The following ABCB4 variants were observed in gnomAD, a reference collection of about 807,000 sequenced individuals.
ABCB4 encodes the protein phosphatidylcholine translocator ABCB4.
ABCB4 carries 76 observed loss-of-function variants against 145.7 expected under a neutral mutation model. The ratio of observed to expected loss-of-function variants is 0.52; its 90% CI spans 0.43 to 0.63. The LOEUF (loss-of-function observed/expected upper bound fraction) is 0.63, where lower values mean the gene tolerates loss of function less well. Among genes scored for constraint, ABCB4 ranks in the 30% least tolerant of loss-of-function variants. The pLI, the probability that ABCB4 is intolerant of heterozygous loss-of-function variation, is 0.00. For missense variants in ABCB4, 1,234 were observed against 1,553.1 expected, an observed-to-expected ratio of 0.79 and a Z score of 3.45; for synonymous variants, 517 against 566.8, an observed-to-expected ratio of 0.91 and a Z score of 1.25.
At chr7:87,390,125 C>T in the ABCB4 span, among the ~76,000 whole-genome samples, 1 of 152,108 alleles carries the variant, frequency 6.6e-6, no homozygotes, top group Non-Finnish European at 1.5e-5. Flanking sequence ...TGCTCAGTCT[C>T]CTGTATGTCT....
At chr7:87,439,982 A>T in intron 13 of ABCB4, 145 bp from the exon 14 acceptor site, 1 of 1,286,322 alleles carries the variant, frequency 7.8e-7, no homozygotes, top group South Asian at 1.4e-5. Flanking sequence ...ATGAATTCTG[A>T]ATTATAAAAA....
rs1489638552 is a variant in ABCB4, at chr7:87,475,507, C to T, written c.-6-36G>A. 3.7e-6 allele frequency: 6 copies of T among 1,609,434 alleles called. No homozygotes were observed. The East Asian group carries it at 1.1e-4, about 30-fold the overall frequency. ...ACCACAGCCTCAGAACCAAGTACAC[C>T]CTCTCCGGCGGCCCGGCGCACGAGT... On this transcript the variant is annotated intron_variant, in intron 1 of 27. Transcript: ENST00000649586.
chr7:87,371,640 T>A, the ABCB4 span, among the ~76,000 whole-genome samples: 1 of 152,212 alleles, frequency 6.6e-6, no homozygotes, highest in African/African-American at 2.4e-5. Context: ...GCCAGTATTA[T>A]GTGAGGACAC....
At chr7:87,416,221 C>T (rs549942447) in intron 21 of ABCB4, among the ~76,000 whole-genome samples, 2 of 152,328 alleles carry the variant, frequency 1.3e-5, no homozygotes, top group East Asian at 3.9e-4. Context: ...TACAAGAGGA[C>T]AAGAAAGGAT....
intron 3 of ABCB4, among the ~76,000 whole-genome samples, chr7:87,469,053 G>A (rs184937562): frequency 6.6e-6 from 1 of 152,154 alleles, no homozygotes; most frequent in Admixed American, 6.5e-5. Flanking sequence ...CCCCTGGGAT[G>A]CAAGGCTGGT....
At chr7:87,432,795 T>C (rs1810333508) in intron 14 of ABCB4, among the ~76,000 whole-genome samples, 1 of 152,170 alleles carries the variant, frequency 6.6e-6, no homozygotes, top group South Asian at 2.1e-4. Context: ...GCAGTGATGG[T>C]TGTACAACCT....
chr7:87,396,425 C>T, the ABCB4 span, among the ~76,000 whole-genome samples: 2 of 152,102 alleles, frequency 1.3e-5, no homozygotes, highest in African/African-American at 2.4e-5. Flanking sequence ...CTCACAGAAG[C>T]GTTCTGATTA....
At position 87,420,304 on chromosome 7, in the gene ABCB4, C is replaced by T. The variant is rs574462918; in HGVS notation, c.2317-229G>A. Among the ~76,000 whole-genome samples the T allele has an allele frequency of 2.0e-5, 3 of 152,280 alleles. No homozygotes were observed. The South Asian group carries it at 6.2e-4, about 32-fold the overall frequency. On this transcript the variant is annotated intron_variant, in intron 18 of 27. Transcript: ENST00000649586. ...CAGGGACTGAATTAAGAAGCAGACACCACATGGCAGGATGCAGGATTCAAT... is the reference window on the plus strand; with the variant it reads ...CAGGGACTGAATTAAGAAGCAGACATCACATGGCAGGATGCAGGATTCAAT...
At chr7:87,437,360 C>T (rs1392613559) in intron 14 of ABCB4, among the ~76,000 whole-genome samples, 2 of 152,128 alleles carry the variant, frequency 1.3e-5, no homozygotes, top group Non-Finnish European at 2.9e-5. Context: ...GTGAGGCCAC[C>T]ATGGACCATT....
intron 26 of ABCB4, 52 bp from the exon 27 acceptor site, chr7:87,403,333 T>G: frequency 6.6e-7 from 1 of 1,520,714 alleles, no homozygotes; most frequent in South Asian, 1.1e-5. Flanking sequence ...GCTTAACAGT[T>G]GACAGTTCTA....
intron 14 of ABCB4, among the ~76,000 whole-genome samples, chr7:87,433,669 G>GTTTTTTTT (rs752621529): frequency 7.3e-5 from 9 of 124,042 alleles, no homozygotes; most frequent in South Asian, 2.5e-4. Flanking sequence ...ACAAAAAATT[G>GTTTTTTTT]TTGTTGTTTT....
intron 4 of ABCB4, among the ~76,000 whole-genome samples, chr7:87,458,715 T>C (rs1280787381): frequency 6.6e-6 from 1 of 152,174 alleles, no homozygotes; most frequent in Non-Finnish European, 1.5e-5. Flanking sequence ...TGCTGGAAAT[T>C]CATAACATTT....
intron 24 of ABCB4, 37 bp from the exon 25 acceptor site, chr7:87,408,271 C>G: frequency 6.3e-7 from 1 of 1,576,144 alleles, no homozygotes; most frequent in South Asian, 1.1e-5. Context: ...TATAATTGGC[C>G]TGATAATTAT....
chr7:87,407,052 T>C (rs1410984714), intron 25 of ABCB4, among the ~76,000 whole-genome samples: 4 of 152,196 alleles, frequency 2.6e-5, no homozygotes, highest in Non-Finnish European at 5.9e-5. Context: ...CAAAGGGCAG[T>C]GTCTTTGGGA....
chr7:87,461,347 C>A (rs553107970), intron 4 of ABCB4, among the ~76,000 whole-genome samples: 1 of 152,216 alleles, frequency 6.6e-6, no homozygotes, highest in African/African-American at 2.4e-5. Context: ...CCATTTAAAA[C>A]TTTCCCAAGC....
At chr7:87,371,740 C>G in the ABCB4 span, among the ~76,000 whole-genome samples, 1 of 152,036 alleles carries the variant, frequency 6.6e-6, no homozygotes, top group Non-Finnish European at 1.5e-5. Flanking sequence ...CCTGTAATTG[C>G]AACATTTTGG....
At chr7:87,402,331 C>A in intron 27 of ABCB4, 29 bp from the exon 28 acceptor site, 2 of 1,612,928 alleles carry the variant, frequency 1.2e-6, no homozygotes, top group Middle Eastern at 1.7e-4. Flanking sequence ...GACACCTTAT[C>A]CCAAAAATTG....
chr7:87,453,165 T>C (rs770329181), intron 5 of ABCB4, 30 bp from the exon 6 acceptor site: 2 of 1,593,280 alleles, frequency 1.3e-6, no homozygotes, highest in Non-Finnish European at 1.7e-6. Flanking sequence ...CTCTATTAAA[T>C]ACCTTCTCTT....
Position 87,408,137 on chromosome 7 carries a change from T to C in ABCB4, c.3179A>G (p.Lys1060Arg). ...PVLQGLSLEV[K>R]KGQTLALVGS... is the part of the protein sequence containing the mutation. ...CACCAGGGCTAGTGTCTGGCCTTTC[T>C]TCACCTCCAGGCTCAGCCCCTGAAG... The change falls in exon 25 of 28, where the codon AAG becomes AGG. Residue 1060 changes from lysine to arginine, a missense_variant. This residue lies in a region of ABCB4 where 301 missense variants were observed against 389.0 expected (regional missense o/e 0.77). Coordinates refer to ENST00000649586, the MANE Select transcript of ABCB4 (RefSeq NM_000443.4). 1.2e-6 allele frequency: 2 copies of C among 1,614,222 alleles called. No homozygotes were observed. The highest frequency in any genetic ancestry group is 2.2e-5 in the South Asian group (2 of 91,082).
Sources: allele counts gnomAD v4.1 joint callset (sites outside exome capture counted in the v4.1 genomes callset), GRCh38; gene constraint gnomAD v4.1.1; regional missense constraint gnomAD v4.1.1; transcripts MANE v1.5; gene names NCBI Gene and HGNC (gene_info 2026-07-23, HGNC 2026-07-21).